CTNND2: variants seen among roughly 807,000 people sequenced by gnomAD.
The protein encoded by CTNND2 is catenin delta-2.
A neutral mutation model predicts 144.4 loss-of-function variants in CTNND2; 22 were observed. The observed-to-expected ratio is 0.15, with a 90% CI of 0.11 to 0.22. The LOEUF is 0.22. Among genes scored for constraint, CTNND2 ranks in the 10% least tolerant of loss-of-function variants. The pLI, the probability that CTNND2 is intolerant of heterozygous loss-of-function variation, is 1.00. For synonymous variants in CTNND2, 751 were observed against 695.6 expected (o/e 1.08, Z -1.25); for missense variants, 1,353 against 1,618.8 (o/e 0.84, Z 2.82).
intron 1 of CTNND2, among the ~76,000 whole-genome samples, chr5:11,748,884 C>A (rs1206354041): frequency 6.6e-6 from 1 of 151,994 alleles, no homozygotes; most frequent in Non-Finnish European, 1.5e-5. Flanking sequence ...ACCCTTTACA[C>A]AAATAATATG....
chr5:11,333,892 C>T (rs1216346489), intron 9 of CTNND2, among the ~76,000 whole-genome samples: 1 of 152,166 alleles, frequency 6.6e-6, no homozygotes, highest in Non-Finnish European at 1.5e-5. Flanking sequence ...GTCATACGGG[C>T]CAGCTCTGCT....
chr5:11,066,701 C>T (rs1747652564), intron 16 of CTNND2, among the ~76,000 whole-genome samples: 2 of 152,142 alleles, frequency 1.3e-5, no homozygotes, highest in Non-Finnish European at 2.9e-5. Context: ...GAGTTTGACT[C>T]TTTTCGTTGA....
intron 6 of CTNND2, among the ~76,000 whole-genome samples, chr5:11,392,525 AAGAGAAAATGTTAC>A (rs1759725010): frequency 6.6e-6 from 1 of 152,206 alleles, no homozygotes; most frequent in Non-Finnish European, 1.5e-5. Context: ...ATTTGCTCAG[AAGAGAAAATGTTAC>A]AGCAAAACAC....
intron 16 of CTNND2, among the ~76,000 whole-genome samples, chr5:11,081,747 CTA>C (rs1749594317): frequency 6.6e-6 from 1 of 152,166 alleles, no homozygotes. Context: ...GTCATATGTT[CTA>C]TGATTCCATT....
At chr5:11,251,462 A>T (rs528758584) in intron 9 of CTNND2, among the ~76,000 whole-genome samples, 1 of 152,362 alleles carries the variant, frequency 6.6e-6, no homozygotes, top group East Asian at 1.9e-4. Context: ...AAGTGATGAC[A>T]TCATTGAAAG....
intron 2 of CTNND2, among the ~76,000 whole-genome samples, chr5:11,660,253 AAAGAAT>A (rs1192166035): frequency 6.6e-6 from 1 of 152,118 alleles, no homozygotes; most frequent in Non-Finnish European, 1.5e-5. Flanking sequence ...AAATTTAATG[AAAGAAT>A]AGGAACAAGC....
At chr5:11,206,224 C>A (rs971698643) in intron 10 of CTNND2, among the ~76,000 whole-genome samples, 1 of 152,182 alleles carries the variant, frequency 6.6e-6, no homozygotes, top group East Asian at 1.9e-4. Context: ...TCGAATAGAT[C>A]TCTTGCTAAC....
chr5:11,689,176 C>T (rs570387803), intron 2 of CTNND2, among the ~76,000 whole-genome samples: 2 of 152,322 alleles, frequency 1.3e-5, no homozygotes, highest in Admixed American at 1.3e-4. Context: ...TACCTGCACC[C>T]AGTTAAGACT....
At position 11,411,550 on chromosome 5, in the gene CTNND2, T is replaced by A; in HGVS notation, c.425A>T (p.Tyr142Phe). The A allele has an allele frequency of 6.3e-7, 1 of 1,594,080 alleles. No homozygotes were observed. ...ACGTGACTTACTTTCACCTGTAGAATAATCCTGTGGGTCAAGTATTCCTGA... is the reference window on the plus strand; with the variant it reads ...ACGTGACTTACTTTCACCTGTAGAAAAATCCTGTGGGTCAAGTATTCCTGA... ...QESGILDPQD[Y>F]STGERPSLLS... The change falls in exon 5 of 22, where the codon TAT becomes TTT. Residue 142 changes from tyrosine (Y) to phenylalanine (F), a missense_variant. Physicochemically the swap from Tyr to Phe is conservative, Grantham distance 22. Around this residue, in one of 4 missense-constraint regions of CTNND2, gnomAD observed 708 missense variants for 706.4 expected, o/e 1.00. Transcript: ENST00000304623.
intron 9 of CTNND2, among the ~76,000 whole-genome samples, chr5:11,329,770 C>T (rs1250657153): frequency 2.0e-5 from 3 of 152,178 alleles, no homozygotes; most frequent in Admixed American, 2.0e-4. Flanking sequence ...TGCAAAGGGG[C>T]TCAGCAAATG....
intron 3 of CTNND2, among the ~76,000 whole-genome samples, chr5:11,526,547 G>A (rs527597800): frequency 2.0e-4 from 31 of 152,312 alleles, no homozygotes; most frequent in African/African-American, 6.7e-4. Context: ...GCCTTCGGTA[G>A]AATCACGCCA....
intron 9 of CTNND2, among the ~76,000 whole-genome samples, chr5:11,239,170 A>G (rs1561072087): frequency 6.6e-6 from 1 of 152,280 alleles, no homozygotes. Flanking sequence ...CCAGTCAGGA[A>G]TTGCTCTATT....
chr5:11,076,119 A>G (rs993379916), intron 16 of CTNND2, among the ~76,000 whole-genome samples: 5 of 152,270 alleles, frequency 3.3e-5, no homozygotes, highest in Non-Finnish European at 7.3e-5. Flanking sequence ...GCATACACAA[A>G]AAACATAAGA....
Position 11,411,623 on chromosome 5 carries a change from T to A in CTNND2, c.352A>T (p.Thr118Ser). 6.2e-7 allele frequency: 1 copy of A among 1,610,848 alleles called. No homozygotes were observed. Among genetic ancestry groups the A allele is most frequent in the South Asian group, 1.1e-5 (1 of 90,728 alleles). ...DGQKDIEDEL[T>S]TGLELVDSCI... is the part of the protein sequence containing the mutation. The stretch of plus-strand genomic sequence containing the variant: ...GAGTCCACCAGCTCGAGACCTGTTG[T>A]AAGCTCATCTTCGATATCTTTTTGA... The change falls in exon 5 of 22, where the codon ACA becomes TCA. Residue 118 changes from threonine to serine, a missense_variant. This residue lies in a region of CTNND2 where 708 missense variants were observed against 706.4 expected (regional missense o/e 1.00). Transcript: ENST00000304623.
intron 9 of CTNND2, among the ~76,000 whole-genome samples, chr5:11,344,197 G>A (rs921766700): frequency 6.5e-4 from 99 of 152,120 alleles, no homozygotes; most frequent in Non-Finnish European, 1.2e-3. Context: ...GAGGTCAGGA[G>A]ATCGAGACCA....
chr5:11,881,381 C>T (rs962414092), intron 1 of CTNND2, among the ~76,000 whole-genome samples: 1 of 152,002 alleles, frequency 6.6e-6, no homozygotes, highest in African/African-American at 2.4e-5. Flanking sequence ...ACTTATCCCT[C>T]ATAGCTAAAT....
chr5:11,386,721 G>A (rs1454066152), intron 6 of CTNND2, among the ~76,000 whole-genome samples: 1 of 152,192 alleles, frequency 6.6e-6, no homozygotes, highest in Non-Finnish European at 1.5e-5. Flanking sequence ...AAAGTAAAAT[G>A]TAAGCTCCAT....
In CTNND2 at chr5:11,011,559, C is replaced by T. The variant is rs539529351; in HGVS notation, c.3084+6415G>A. Among the ~76,000 whole-genome samples the T allele has an allele frequency of 3.3e-5, 5 of 152,266 alleles. No homozygotes were observed. In the South Asian group the frequency reaches 8.3e-4, roughly 25 times the overall value. On this transcript the variant is annotated intron_variant, in intron 18 of 21. Coordinates refer to ENST00000304623, the MANE Select transcript of CTNND2 (RefSeq NM_001332.4). ...TTCATTCGGAGAGATACTGAGTGGA[C>T]GCTGTTCTCTCTGAAGCACTTTGAG...
chr5:11,422,462 T>C (rs931575256), intron 3 of CTNND2, among the ~76,000 whole-genome samples: 4 of 152,166 alleles, frequency 2.6e-5, no homozygotes, highest in Non-Finnish European at 4.4e-5. Context: ...GAAATTCATA[T>C]TCTTAAGCTA....
Sources: gnomAD v4.1 joint callset for allele counts (sites outside exome capture counted in the v4.1 genomes callset) on GRCh38, gnomAD v4.1.1 for gene constraint, gnomAD v4.1.1 regional missense constraint, MANE v1.5 for transcripts, NCBI Gene and HGNC (gene_info 2026-07-23, HGNC 2026-07-21) for gene names.